Variants in NT5C1B observed in about 807,000 individuals in gnomAD.
NT5C1B encodes the protein 5'-nucleotidase, cytosolic IB.
NT5C1B carries 44 observed loss-of-function variants against 57.8 expected under a neutral mutation model. The ratio of observed to expected loss-of-function variants is 0.76; its 90% CI spans 0.60 to 0.98. NT5C1B has a LOEUF of 0.98. Among genes scored for constraint, NT5C1B ranks in the 50% least tolerant of loss-of-function variants. The pLI is 0.00. For synonymous variants in NT5C1B, 284 were observed against 282.6 expected (o/e 1.00, Z -0.05); for missense variants, 742 against 719.5 (o/e 1.03, Z -0.36).
At chr2:18,569,325 AAG>A (rs1301978771) in intron 8 of NT5C1B, among the ~76,000 whole-genome samples, 2 of 152,148 alleles carry the variant, frequency 1.3e-5, no homozygotes, top group East Asian at 3.8e-4. Flanking sequence ...AGAAAAGAAA[AAG>A]GGGACTAAGA....
chr2:18,576,134 T>A (rs1665647906), intron 8 of NT5C1B, 50 bp downstream of exon 8: 2 of 1,492,246 alleles, frequency 1.3e-6, no homozygotes, highest in African/African-American at 2.9e-5. Context: ...TATTTATATA[T>A]TAGAAAATAA....
Position 18,584,600 on chromosome 2 carries a change from C to G in NT5C1B, c.637G>C (p.Glu213Gln), listed in dbSNP as rs200906490. ...GCAGCCTCGTAGTCGTCCTCGTCCT[C>G]CCGCTGCTGCTGCTGCTGCTCGGAC... Residue 213 changes from glutamate (E) to glutamine (Q), a missense_variant, in exon 4 of 9, where the codon GAG becomes CAG. By Grantham distance (29) the Glu-to-Gln change is conservative (BLOSUM62 2). Coordinates refer to ENST00000304081, the Ensembl canonical transcript of NT5C1B. The surrounding 1 kb of genome is among the most constrained non-coding windows in gnomAD (Gnocchi z 5.8). The G allele has an allele frequency of 4.0e-4, 648 of 1,612,710 alleles. No homozygotes were observed. Among genetic ancestry groups the G allele is most frequent in the Non-Finnish European group, 5.3e-4 (622 of 1,179,488 alleles).
chr2:18,586,464 T>C (rs963225114), intron 2 of NT5C1B, 73 bp from the exon 3 acceptor site: 27 of 1,582,360 alleles, frequency 1.7e-5, no homozygotes, highest in Non-Finnish European at 2.1e-5. Context: ...GCCTGCAGAA[T>C]AGTCATGTCA....
exon 9 of NT5C1B, chr2:18,564,026 G>A: frequency 6.2e-7 from 1 of 1,614,062 alleles, no homozygotes; most frequent in Non-Finnish European, 8.5e-7. Flanking sequence ...GCTGTAACCA[G>A]GTAGGTCCTG....
At chr2:18,576,206 C>T (rs1407750011) in exon 8 of NT5C1B, 2 of 1,612,366 alleles carry the variant, frequency 1.2e-6, no homozygotes, top group Admixed American at 3.3e-5. Context: ...CTTACTTTCA[C>T]ATAATGTATC....
chr2:18,587,292 C>A (rs1666807421), intron 2 of NT5C1B: 1 of 1,483,224 alleles, frequency 6.7e-7, no homozygotes, highest in Non-Finnish European at 9.0e-7. Context: ...TGTGGTTCCA[C>A]ACATTCGAAG....
chr2:18,588,747 A>G (rs1289455602), intron 1 of NT5C1B, among the ~76,000 whole-genome samples: 2 of 152,066 alleles, frequency 1.3e-5, no homozygotes. Flanking sequence ...TGTCCACCGT[A>G]TTTATTTAGA....
Position 18,584,413 on chromosome 2 carries a change from A to G in NT5C1B, c.723+101T>C. Reference sequence around the variant, plus strand: ...GGCTGGGACTCCCCGAAGTTTGGGGAGGAGAAGCGGGAGGACCTCCCTGCG... The same window carrying G: ...GGCTGGGACTCCCCGAAGTTTGGGGGGGAGAAGCGGGAGGACCTCCCTGCG... On this transcript the variant is annotated intron_variant, in intron 4 of 8. Transcript: ENST00000304081. The surrounding 1 kb of genome is among the most constrained non-coding windows in gnomAD (Gnocchi z 5.8). 1 of 1,523,788 alleles carries G rather than the reference A, an allele frequency of 6.6e-7. No homozygotes were observed. The highest frequency in any genetic ancestry group is 1.2e-5 in the South Asian group (1 of 80,332). 94.4% of individuals were successfully genotyped at this position (1,523,788 alleles called of 1,614,324 possible). A position where few individuals can be genotyped will look rare whatever the true frequency, so the allele number is the denominator to read the frequency against.
intron 8 of NT5C1B, among the ~76,000 whole-genome samples, chr2:18,566,057 T>G (rs1273242498): frequency 6.6e-6 from 1 of 152,228 alleles, no homozygotes; most frequent in African/African-American, 2.4e-5. Context: ...CTTTAAGTCT[T>G]TAAAAGTCAT....
chr2:18,584,635 CG>C lies in NT5C1B; in HGVS notation c.601del (p.Arg201AlafsTer26). ...CTGCTGCTGCTCGGACAGAGAGTTG[CG>C]GTCCAGCTGGGTGGAGGCGGGGTAG... On this transcript the variant is annotated frameshift_variant, in exon 4 of 9. Coordinates refer to ENST00000304081, the Ensembl canonical transcript of NT5C1B. LOFTEE classifies it high-confidence loss of function. This position sits in a 1 kb window ranked among gnomAD's most constrained non-coding sequence, Gnocchi z 5.8. 1 of 1,612,794 alleles carries C rather than the reference CG, an allele frequency of 6.2e-7. No individual in the cohort carries two copies. The highest frequency in any genetic ancestry group is 8.5e-7 in the Non-Finnish European group (1 of 1,179,522).
rs888132844 is a variant in NT5C1B at position 18,584,400 on chromosome 2, C to A, written c.723+114G>T. The A allele has an allele frequency of 3.3e-6, 5 of 1,525,848 alleles. No individual in the cohort carries two copies. The African/African-American group carries it at 6.9e-5, about 21-fold the overall frequency. 94.5% of individuals were successfully genotyped at this position (1,525,848 alleles called of 1,614,324 possible). A position where few individuals can be genotyped will look rare whatever the true frequency, so the allele number is the denominator to read the frequency against. On this transcript the variant is annotated intron_variant, in intron 4 of 8. Coordinates refer to ENST00000304081, the Ensembl canonical transcript of NT5C1B. This position sits in a 1 kb window ranked among gnomAD's most constrained non-coding sequence, Gnocchi z 5.8. ...TGGAGACAGCTGAGGCTGGGACTCC[C>A]CGAAGTTTGGGGAGGAGAAGCGGGA...
At chr2:18,583,073 T>G (rs188536572) in intron 5 of NT5C1B, 76 bp from the exon 6 acceptor site, 1 of 1,516,856 alleles carries the variant, frequency 6.6e-7, no homozygotes, top group Non-Finnish European at 8.8e-7. Flanking sequence ...AGGAAGCATC[T>G]CATCAGAGTC....
At chr2:18,568,329 A>C (rs1204309882) in intron 8 of NT5C1B, among the ~76,000 whole-genome samples, 1 of 152,216 alleles carries the variant, frequency 6.6e-6, no homozygotes, top group African/African-American at 2.4e-5. Flanking sequence ...CATTCAGTAA[A>C]AATAAAATAT....
chr2:18,584,468 T>A lies in NT5C1B; in HGVS notation c.723+46A>T. Reference sequence around the variant, plus strand: ...GGAGAGGAGGGCGGCTGGAAGAGGCTGCAAGGAAGGGCGCCCCGGCTGCCA... The same window carrying A: ...GGAGAGGAGGGCGGCTGGAAGAGGCAGCAAGGAAGGGCGCCCCGGCTGCCA... On this transcript the variant is annotated intron_variant, in intron 4 of 8. Coordinates refer to ENST00000304081, the Ensembl canonical transcript of NT5C1B. The surrounding 1 kb of genome is among the most constrained non-coding windows in gnomAD (Gnocchi z 5.8). 1 of 1,582,066 alleles carries A rather than the reference T, an allele frequency of 6.3e-7. No individual in the cohort carries two copies. Among genetic ancestry groups the A allele is most frequent in the Non-Finnish European group, 8.6e-7 (1 of 1,165,292 alleles).
intron 2 of NT5C1B, chr2:18,587,018 C>G: frequency 1.9e-6 from 3 of 1,614,236 alleles, no homozygotes; most frequent in Middle Eastern, 1.6e-4. Flanking sequence ...TCTGCTGGCC[C>G]TGCTCCCACA....
intron 8 of NT5C1B, among the ~76,000 whole-genome samples, chr2:18,564,360 T>C (rs560559434): frequency 6.6e-6 from 1 of 152,314 alleles, no homozygotes; most frequent in Non-Finnish European, 1.5e-5. Flanking sequence ...ATTTAACATG[T>C]AAACCTATAT....
rs755140709 is a variant in NT5C1B, at chr2:18,584,905, A to G, written c.332T>C (p.Leu111Pro). The G allele has an allele frequency of 1.3e-5, 21 of 1,559,490 alleles. No individual in the cohort carries two copies. The highest frequency in any genetic ancestry group is 3.7e-5 in the Admixed American group (2 of 53,818). Residue 111 changes from leucine (L) to proline (P), a missense_variant, in exon 4 of 9, where the codon CTG (leucine) becomes CCG (proline). Transcript: ENST00000304081. This position sits in a 1 kb window ranked among gnomAD's most constrained non-coding sequence, Gnocchi z 5.8. ...TGGCTGGAGCGAGGGCTGCCCGGACAGCGGCGGCGGTGAGGAGTCATGCAG... is the reference window on the plus strand; with the variant it reads ...TGGCTGGAGCGAGGGCTGCCCGGACGGCGGCGGCGGTGAGGAGTCATGCAG...
At position 18,563,700 on chromosome 2, in the gene NT5C1B, C is replaced by T. The variant is rs544554133; in HGVS notation, c.*96G>A. ...TCCAAAGAAGCAAAGTTTTAAGGTC[C>T]AATTTTCTGAAATACCTATCTAATT... On this transcript the variant is annotated 3_prime_UTR_variant, in exon 9 of 9. Coordinates refer to ENST00000304081, the Ensembl canonical transcript of NT5C1B. The T allele has an allele frequency of 6.1e-6, 8 of 1,320,232 alleles. No homozygotes were observed. In the East Asian group the frequency reaches 1.5e-4, roughly 26 times the overall value. The allele number at this position is 1,320,232 out of a possible 1,614,324, so 81.8% of individuals were successfully genotyped here. A position where few individuals can be genotyped will look rare whatever the true frequency, so the allele number is the denominator to read the frequency against.
At chr2:18,576,329 A>G (rs1449237257) in exon 8 of NT5C1B, 2 of 1,613,570 alleles carry the variant, frequency 1.2e-6, no homozygotes, top group Admixed American at 1.7e-5. Flanking sequence ...ACAGTAAGCC[A>G]TGTCTTTGGC....
Sources: allele counts gnomAD v4.1 joint callset (sites outside exome capture counted in the v4.1 genomes callset), GRCh38; gene constraint gnomAD v4.1.1; non-coding constraint Gnocchi (gnomAD v3.1); transcripts MANE v1.5; gene names NCBI Gene and HGNC (gene_info 2026-07-23, HGNC 2026-07-21).